Variants in DOCK1 observed in about 807,000 individuals in gnomAD.
The protein encoded by DOCK1 is dedicator of cytokinesis protein 1.
DOCK1 carries 138 observed loss-of-function variants against 262.7 expected under a neutral mutation model. The observed-to-expected ratio is 0.53, with a 90% CI of 0.46 to 0.61. DOCK1 has a LOEUF of 0.61. DOCK1 is among the 20% of genes least tolerant of loss of function. DOCK1 has a pLI of 0.00. For synonymous variants in DOCK1, 866 were observed against 867.4 expected (o/e 1.00, Z 0.03); for missense variants, 1,908 against 2,370.7 (o/e 0.80, Z 4.05).
At chr10:127,284,158 T>G (rs1029874103) in intron 29 of DOCK1, among the ~76,000 whole-genome samples, 6 of 152,196 alleles carry the variant, frequency 3.9e-5, no homozygotes, top group African/African-American at 1.4e-4. Context: ...TCTATTGGTT[T>G]TAGTGTTTTT....
At chr10:127,032,710 C>G (rs1395003107) in intron 18 of DOCK1, among the ~76,000 whole-genome samples, 1 of 152,028 alleles carries the variant, frequency 6.6e-6, no homozygotes, top group African/African-American at 2.4e-5. Context: ...TGCAGCATCA[C>G]GCTTGGCTAA....
At chr10:127,156,756 C>T (rs912268405) in intron 27 of DOCK1, among the ~76,000 whole-genome samples, 13 of 151,728 alleles carry the variant, frequency 8.6e-5, no homozygotes, top group African/African-American at 1.9e-4. Context: ...TTAGTAGAGA[C>T]GGGGTTTCTC....
intron 27 of DOCK1, among the ~76,000 whole-genome samples, chr10:127,183,237 G>A (rs1167530): frequency 1 from 152,031 of 152,232 alleles, 75,915 homozygotes; most frequent in Non-Finnish European, 1. Context: ...ACCCTATTGG[G>A]ACAATCAGGG....
chr10:127,180,415 G>A (rs80344689), intron 27 of DOCK1, among the ~76,000 whole-genome samples: 72 of 152,256 alleles, frequency 4.7e-4, no homozygotes, highest in African/African-American at 1.3e-3. Flanking sequence ...TTTATTTTTC[G>A]TAAGAAAATT....
In DOCK1 at chr10:126,970,011, G is replaced by A. The variant is rs541796610; in HGVS notation, c.47-691G>A. On this transcript the variant is annotated intron_variant, in intron 1 of 51. Coordinates refer to ENST00000623213, the MANE Select transcript of DOCK1 (RefSeq NM_001290223.2). ...ATTAATATATATTTTTTTAAATTGA[G>A]AGTGGGCTAGTTGAATACTTTTTGG... Among the ~76,000 whole-genome samples, 410 of 152,220 alleles carry A rather than the reference G, an allele frequency of 2.7e-3. 1 individual carries two copies. The highest frequency in any genetic ancestry group is 4.6e-3 in the Non-Finnish European group (316 of 68,022).
At chr10:127,442,558 A>G (rs898398853) in intron 49 of DOCK1, among the ~76,000 whole-genome samples, 2 of 152,254 alleles carry the variant, frequency 1.3e-5, no homozygotes, top group Non-Finnish European at 1.5e-5. Flanking sequence ...AAACAGGGAA[A>G]GGGCTTAGGT....
intron 1 of DOCK1, among the ~76,000 whole-genome samples, chr10:126,947,055 T>G (rs1358167794): frequency 6.6e-6 from 1 of 152,234 alleles, no homozygotes; most frequent in African/African-American, 2.4e-5. Context: ...CCTGGAGGCT[T>G]GGCAGCAGCA....
intron 38 of DOCK1, among the ~76,000 whole-genome samples, chr10:127,397,761 C>T (rs143928423): frequency 2.1e-4 from 18 of 84,948 alleles, no homozygotes; most frequent in Middle Eastern, 5.5e-3. Flanking sequence ...ACACGGGCAG[C>T]GACTCCTGTA....
intron 29 of DOCK1, chr10:127,272,329 C>T (rs1479455520): frequency 2.6e-5 from 4 of 152,212 alleles, no homozygotes; most frequent in Admixed American, 2.6e-4. Flanking sequence ...AAGCCTCTTT[C>T]CTCCATGCTT....
chr10:127,000,623 G>C (rs2040513434), intron 10 of DOCK1: 2 of 284,998 alleles, frequency 7.0e-6, no homozygotes, highest in Non-Finnish European at 1.3e-5. Flanking sequence ...TTCAGGTCTT[G>C]GTGATGGACA....
At chr10:127,050,572 G>A (rs1307055842) in intron 21 of DOCK1, among the ~76,000 whole-genome samples, 3 of 152,106 alleles carry the variant, frequency 2.0e-5, no homozygotes, top group South Asian at 2.1e-4. Flanking sequence ...TTAGCTGGGC[G>A]TGGTGGTGTG....
chr10:127,396,922 G>A lies in DOCK1; in HGVS notation c.3928-6133G>A, dbSNP rs921848073. ...TATGTGATCTGAGCATGAGTTACACGGGCAGCGACTCCTATGTGATCTGAG... is the reference window on the plus strand; with the variant it reads ...TATGTGATCTGAGCATGAGTTACACAGGCAGCGACTCCTATGTGATCTGAG... On this transcript the variant is annotated intron_variant, in intron 38 of 51. Transcript: ENST00000623213. Among the ~76,000 whole-genome samples the A allele has an allele frequency of 3.9e-5, 6 of 152,036 alleles. 1 individual carries two copies. Among genetic ancestry groups the A allele is most frequent in the Admixed American group, 3.3e-4 (5 of 15,274 alleles).
At chr10:127,346,030 A>C (rs562286196) in intron 31 of DOCK1, among the ~76,000 whole-genome samples, 91 of 152,318 alleles carry the variant, frequency 6.0e-4, no homozygotes, top group African/African-American at 2.1e-3. Flanking sequence ...CCCGTCCAGC[A>C]AAAGGACAGC....
At chr10:127,294,857 G>C (rs11017155) in intron 29 of DOCK1, among the ~76,000 whole-genome samples, 22,929 of 151,752 alleles carry the variant, frequency 0.15, 1,994 homozygotes, top group East Asian at 0.25. Flanking sequence ...GGCCAGGCTG[G>C]TTTCGAACTC....
At chr10:126,957,681 T>C (rs1340624333) in intron 1 of DOCK1, among the ~76,000 whole-genome samples, 2 of 152,270 alleles carry the variant, frequency 1.3e-5, no homozygotes, top group East Asian at 1.9e-4. Context: ...AGTCTTCCCA[T>C]GTTGCTCAGG....
At chr10:126,918,908 GGGC>G (rs1416183731) in intron 1 of DOCK1, among the ~76,000 whole-genome samples, 27 of 152,014 alleles carry the variant, frequency 1.8e-4, no homozygotes, top group Non-Finnish European at 2.5e-4. Context: ...TCGGACAGGT[GGGC>G]ACGGAGGATT....
intron 1 of DOCK1, among the ~76,000 whole-genome samples, chr10:126,967,661 G>C (rs2037772733): frequency 6.6e-6 from 1 of 152,056 alleles, no homozygotes; most frequent in African/African-American, 2.4e-5. Flanking sequence ...AGAGGCCACT[G>C]TGTTCCTCGG....
At chr10:127,259,220 C>G (rs1261271977) in intron 29 of DOCK1, among the ~76,000 whole-genome samples, 1 of 152,224 alleles carries the variant, frequency 6.6e-6, no homozygotes, top group Non-Finnish European at 1.5e-5. Context: ...CTCCTCCTCA[C>G]TCTTCCACCT....
At chr10:127,352,835 C>T (rs1217765594) in intron 31 of DOCK1, among the ~76,000 whole-genome samples, 2 of 152,110 alleles carry the variant, frequency 1.3e-5, no homozygotes, top group Non-Finnish European at 2.9e-5. Context: ...TCAGGTGATC[C>T]ACCTGCCTCG....
Sources: allele counts gnomAD v4.1 joint callset (sites outside exome capture counted in the v4.1 genomes callset), GRCh38; gene constraint gnomAD v4.1.1; transcripts MANE v1.5; gene names NCBI Gene and HGNC (gene_info 2026-07-23, HGNC 2026-07-21).